Variants in MYO5C observed in about 807,000 individuals in gnomAD.
The protein encoded by MYO5C is myosin VC.
In MYO5C, 194 loss-of-function variants were observed where a neutral mutation model predicts 235.7. The ratio of observed to expected loss-of-function variants is 0.82; its 90% CI spans 0.73 to 0.93. MYO5C has a LOEUF of 0.93. MYO5C is among the 40% of genes least tolerant of loss of function. The pLI is 0.00. For missense variants in MYO5C, 2,038 were observed against 2,127.2 expected, an observed-to-expected ratio of 0.96 and a Z score of 0.82; for synonymous variants, 707 against 754.8, an observed-to-expected ratio of 0.94 and a Z score of 1.04.
rs1441914823 is a variant in MYO5C, at chr15:52,242,067, G to C, written c.2537C>G (p.Ala846Gly). 6.2e-7 allele frequency: 1 copy of C among 1,612,568 alleles called. No homozygotes were observed. The highest frequency in any genetic ancestry group is 1.7e-5 in the Admixed American group (1 of 59,914). Residue 846 changes from alanine to glycine, a missense_variant, in exon 20 of 41, where the codon GCA becomes GGA. Ala to Gly is a moderately conservative substitution (Grantham distance 60). Coordinates refer to ENST00000261839, the MANE Select transcript of MYO5C (RefSeq NM_018728.4). ...CCTCACCTTTCGATACCTCCTCCTT[G>C]CCAGGAATCCTCGGCTGTAGGCCTG... ...TMQAYSRGFL[A>G]RRRYRKMLEE...
chr15:52,215,991 C>G (rs866830072), intron 32 of MYO5C, among the ~76,000 whole-genome samples: 6 of 152,082 alleles, frequency 3.9e-5, no homozygotes, highest in African/African-American at 1.2e-4. Context: ...TCACTCTGAA[C>G]AAAAATCTCG....
intron 17 of MYO5C, 119 bp downstream of exon 17, chr15:52,245,836 TG>T: frequency 1.2e-6 from 1 of 861,478 alleles, no homozygotes; most frequent in Non-Finnish European, 1.9e-6. Flanking sequence ...GGGAAAATCT[TG>T]GGGGCACTTT....
intron 1 of MYO5C, 35 bp downstream of exon 1, chr15:52,295,575 C>G (rs767917121): frequency 1.4e-5 from 21 of 1,501,096 alleles, no homozygotes; most frequent in Middle Eastern, 2.1e-4. Flanking sequence ...CCGGCTCCCC[C>G]ACAGCGCTCC....
intron 10 of MYO5C, among the ~76,000 whole-genome samples, chr15:52,258,331 A>G (rs150570456): frequency 2.4e-4 from 36 of 152,342 alleles, no homozygotes; most frequent in African/African-American, 8.4e-4. Context: ...TTGTAGATGC[A>G]GAAACTAAGG....
intron 28 of MYO5C, among the ~76,000 whole-genome samples, chr15:52,224,212 G>A (rs746075825): frequency 2.6e-5 from 4 of 152,248 alleles, no homozygotes; most frequent in Non-Finnish European, 5.9e-5. Context: ...GAAACCTGGA[G>A]GTGGAGGTTG....
chr15:52,224,216 G>C (rs1346373484), intron 28 of MYO5C, among the ~76,000 whole-genome samples: 2 of 152,202 alleles, frequency 1.3e-5, no homozygotes, highest in African/African-American at 4.8e-5. Context: ...CCTGGAGGTG[G>C]AGGTTGCGGT....
rs114145412 is a variant in MYO5C at position 52,246,192 on chromosome 15, G to A, written c.1980-150C>T. On this transcript the variant is annotated intron_variant, in intron 16 of 40. Coordinates refer to ENST00000261839, the MANE Select transcript of MYO5C (RefSeq NM_018728.4). The stretch of plus-strand genomic sequence containing the variant: ...TTCTATTGCATGACCAAGAAAAATA[G>A]CACCTCTGCAAAACAGTCCATAAAG... 3.0e-3 allele frequency: 1,935 copies of A among 642,830 alleles called. 29 individuals are homozygous for A. In the African/African-American group the frequency reaches 0.031, roughly 10 times the overall value. 39.8% of individuals were successfully genotyped at this position (642,830 alleles called of 1,614,324 possible). A position where few individuals can be genotyped will look rare whatever the true frequency, so the allele number is the denominator to read the frequency against.
chr15:52,204,983 C>T lies in MYO5C; in HGVS notation c.4702G>A (p.Asp1568Asn). ...FYTTMCQNGL[D>N]PELVRQAVKQ... is the part of the protein sequence containing the mutation. ...ACCGCCTGCCTCACAAGCTCGGGGTCCAGGCCGTTCTGGCACATGGTGGTG... is the reference window on the plus strand; with the variant it reads ...ACCGCCTGCCTCACAAGCTCGGGGTTCAGGCCGTTCTGGCACATGGTGGTG... The change falls in exon 38 of 41, where the codon GAC becomes AAC. Residue 1568 changes from aspartate to asparagine, a missense_variant. Physicochemically the swap from Asp to Asn is conservative, Grantham distance 23. Coordinates refer to ENST00000261839, the MANE Select transcript of MYO5C (RefSeq NM_018728.4). The T allele has an allele frequency of 6.2e-7, 1 of 1,614,236 alleles. No individual in the cohort carries two copies. Among genetic ancestry groups the T allele is most frequent in the Non-Finnish European group, 8.5e-7 (1 of 1,180,046 alleles).
At chr15:52,236,405 G>A (rs1213610767) in intron 22 of MYO5C, among the ~76,000 whole-genome samples, 2 of 152,188 alleles carry the variant, frequency 1.3e-5, no homozygotes, top group Non-Finnish European at 2.9e-5. Context: ...TGGGCACGGT[G>A]GCTCACACCT....
At chr15:52,218,468 G>A in intron 32 of MYO5C, 51 bp downstream of exon 32, 2 of 1,567,670 alleles carry the variant, frequency 1.3e-6, no homozygotes, top group Non-Finnish European at 1.7e-6. Flanking sequence ...CCCCCTTTCA[G>A]CAACATCTGC....
intron 8 of MYO5C, among the ~76,000 whole-genome samples, chr15:52,266,456 C>T (rs1169250356): frequency 6.6e-6 from 1 of 152,212 alleles, no homozygotes; most frequent in African/African-American, 2.4e-5. Flanking sequence ...TCCCCTCGCG[C>T]TTCTCCAGGG....
In MYO5C at chr15:52,205,056, C is replaced by A. The variant is rs757910104; in HGVS notation, c.4629G>T (p.Thr1543=). 3.7e-6 allele frequency: 6 copies of A among 1,614,166 alleles called. No individual in the cohort carries two copies. Among genetic ancestry groups the A allele is most frequent in the Non-Finnish European group, 3.4e-6 (4 of 1,180,018 alleles). The change falls in exon 38 of 41, where the codon ACG becomes ACT. Residue 1543 remains threonine (T), a synonymous_variant. Coordinates refer to ENST00000261839, the MANE Select transcript of MYO5C (RefSeq NM_018728.4). ...GGACGGAGGTCATGGTGTAGCCGTC[C>A]GTGTCGTCTATGCTAGAGGAGCGCT... ...FRKRSSSIDD[T]DGYTMTSVLQ...
chr15:52,193,778 T>G lies in MYO5C; in HGVS notation c.*124A>C. On this transcript the variant is annotated 3_prime_UTR_variant, in exon 41 of 41. Transcript: ENST00000261839. Reference sequence around the variant, plus strand: ...TGAGTGAGAGATGATGTGGTCCATTTGAGAAAAGTCTGTTTTCTTCCTTAA... The same window carrying G: ...TGAGTGAGAGATGATGTGGTCCATTGGAGAAAAGTCTGTTTTCTTCCTTAA... 1.9e-6 allele frequency: 2 copies of G among 1,027,964 alleles called. No individual in the cohort carries two copies. Among genetic ancestry groups the G allele is most frequent in the Non-Finnish European group, 2.8e-6 (2 of 705,108 alleles). 63.7% of individuals were successfully genotyped at this position (1,027,964 alleles called of 1,614,324 possible). A position where few individuals can be genotyped will look rare whatever the true frequency, so the allele number is the denominator to read the frequency against.
At position 52,213,255 on chromosome 15, in the gene MYO5C, C is replaced by T. The variant is rs1235914908; in HGVS notation, c.4074G>A (p.Lys1358=). The change falls in exon 34 of 41, where the codon AAG becomes AAA. Residue 1358 remains lysine (K), a synonymous_variant. Coordinates refer to ENST00000261839, the MANE Select transcript of MYO5C (RefSeq NM_018728.4). ...ANDVHSSSGP[K]EYLGMLQYKR... ...TGTATTGCAGCATTCCAAGGTACTC[C>T]TTGGGTCCTGAGGACGAGTGCACAT... 6.2e-7 allele frequency: 1 copy of T among 1,613,902 alleles called. No individual in the cohort carries two copies. The highest frequency in any genetic ancestry group is 8.5e-7 in the Non-Finnish European group (1 of 1,179,942).
intron 35 of MYO5C, among the ~76,000 whole-genome samples, chr15:52,210,881 A>G (rs1487759658): frequency 6.6e-6 from 1 of 152,214 alleles, no homozygotes; most frequent in African/African-American, 2.4e-5. Context: ...CCTTCACAAA[A>G]TCCCGCCCTT....
At chr15:52,230,552 G>T (rs2035924834) in intron 24 of MYO5C, among the ~76,000 whole-genome samples, 1 of 151,854 alleles carries the variant, frequency 6.6e-6, no homozygotes, top group East Asian at 1.9e-4. Flanking sequence ...GGGATTATAA[G>T]GTGCCCAACA....
chr15:52,205,203 C>T, intron 37 of MYO5C, 56 bp from the exon 38 acceptor site: 2 of 1,575,020 alleles, frequency 1.3e-6, no homozygotes, highest in Non-Finnish European at 1.7e-6. Flanking sequence ...GCGGAACGTT[C>T]CCGACGCTCT....
At chr15:52,240,242 T>C (rs2036182145) in intron 20 of MYO5C, among the ~76,000 whole-genome samples, 1 of 152,126 alleles carries the variant, frequency 6.6e-6, no homozygotes, top group African/African-American at 2.4e-5. Flanking sequence ...AGACTAGTTA[T>C]TTCAAAAAGA....
intron 25 of MYO5C, 76 bp from the exon 26 acceptor site, chr15:52,225,608 T>G: frequency 2.0e-6 from 2 of 997,546 alleles, no homozygotes; most frequent in Middle Eastern, 2.0e-4. Context: ...GGGAACACAA[T>G]TACAGCGTTG....
Sources: gnomAD v4.1 joint callset for allele counts (sites outside exome capture counted in the v4.1 genomes callset) on GRCh38, gnomAD v4.1.1 for gene constraint, MANE v1.5 for transcripts, NCBI Gene and HGNC (gene_info 2026-07-23, HGNC 2026-07-21) for gene names.